The following HDAC4 variants were observed in gnomAD, a reference collection of about 807,000 sequenced individuals.
HDAC4 encodes histone deacetylase A.
Under a neutral mutation model 135.1 loss-of-function variants are expected in HDAC4, and 16 were observed. The ratio of observed to expected loss-of-function variants is 0.12; its 90% CI spans 0.08 to 0.18. The LOEUF (loss-of-function observed/expected upper bound fraction) is 0.18. Among genes scored for constraint, HDAC4 ranks in the 10% least tolerant of loss-of-function variants. The pLI, the probability that HDAC4 is intolerant of heterozygous loss-of-function variation, is 1.00. For missense variants in HDAC4, 1,143 were observed against 1,511.8 expected, an observed-to-expected ratio of 0.76 and a Z score of 4.05; for synonymous variants, 685 against 653.4, an observed-to-expected ratio of 1.05 and a Z score of -0.74.
rs1192180774 is a variant in HDAC4, at chr2:239,197,610, T to C, written c.95-7533A>G. Reference sequence around the variant, plus strand: ...TGGGTCTTTTCCATCCTCCCTGTTTTCCTTGTCTTTGTCTTACACGCTTCT... The same window carrying C: ...TGGGTCTTTTCCATCCTCCCTGTTTCCCTTGTCTTTGTCTTACACGCTTCT... On this transcript the variant is annotated intron_variant, in intron 3 of 26. Coordinates refer to ENST00000543185, the MANE Select transcript of HDAC4 (RefSeq NM_001378414.1). 2.0e-5 allele frequency among the ~76,000 whole-genome samples: 3 copies of C among 152,218 alleles called. No individual in the cohort carries two copies. In the East Asian group the frequency reaches 5.8e-4, roughly 29 times the overall value.
At chr2:239,120,425 A>G (rs1192992116) in intron 12 of HDAC4, among the ~76,000 whole-genome samples, 3 of 126,204 alleles carry the variant, frequency 2.4e-5, no homozygotes, top group Admixed American at 1.7e-4. Context: ...AGACACAGAC[A>G]GATGCACAAA....
At position 239,189,901 on chromosome 2, in the gene HDAC4, C is replaced by T. The variant is rs763704380; in HGVS notation, c.271G>A (p.Ala91Thr). ...TGCTCGTGCTGCCTCTGGAACTCAG[C>T]GATGAGGATCTGCCTCTGGATCTGC... ...KQQIQRQILI[A>T]EFQRQHEQLS... Residue 91 changes from alanine to threonine, a missense_variant, in exon 4 of 27, where the codon GCT becomes ACT. Ala to Thr is a moderately conservative substitution (Grantham distance 58). Coordinates refer to ENST00000543185, the MANE Select transcript of HDAC4 (RefSeq NM_001378414.1). The T allele has an allele frequency of 1.4e-5, 22 of 1,611,052 alleles. No homozygotes were observed. Among genetic ancestry groups the T allele is most frequent in the Non-Finnish European group, 1.6e-5 (19 of 1,179,892 alleles).
At chr2:239,276,923 C>A (rs1398797891) in intron 2 of HDAC4, among the ~76,000 whole-genome samples, 2 of 152,136 alleles carry the variant, frequency 1.3e-5, no homozygotes, top group African/African-American at 2.4e-5. Flanking sequence ...CAACCCTGAC[C>A]CCCTAACACA....
intron 1 of HDAC4, among the ~76,000 whole-genome samples, chr2:239,392,145 G>C (rs1439611465): frequency 1.3e-5 from 2 of 152,228 alleles, no homozygotes; most frequent in Non-Finnish European, 2.9e-5. Flanking sequence ...ATGGCAGCGG[G>C]CATGCACGTA....
intron 2 of HDAC4, among the ~76,000 whole-genome samples, chr2:239,267,556 A>C (rs1370905655): frequency 3.3e-5 from 5 of 152,274 alleles, no homozygotes; most frequent in Admixed American, 2.6e-4. Flanking sequence ...AGTTGTACAC[A>C]CAAGAAACTA....
chr2:239,107,655 C>T (rs1237483425), intron 15 of HDAC4, among the ~76,000 whole-genome samples: 8 of 152,346 alleles, frequency 5.3e-5, no homozygotes, highest in South Asian at 4.1e-4. Context: ...GAGATATAAT[C>T]GGATCTCCCC....
intron 3 of HDAC4, among the ~76,000 whole-genome samples, chr2:239,217,454 T>C (rs2046704537): frequency 6.6e-6 from 1 of 152,214 alleles, no homozygotes; most frequent in Admixed American, 6.5e-5. Flanking sequence ...AATAACTTGA[T>C]AAATGTCAGT....
chr2:239,118,851 A>G (rs1170010007), intron 12 of HDAC4, among the ~76,000 whole-genome samples: 2 of 152,140 alleles, frequency 1.3e-5, no homozygotes, highest in Non-Finnish European at 2.9e-5. Flanking sequence ...TTTCAACACT[A>G]GTTTCACTTG....
intron 3 of HDAC4, 101 bp downstream of exon 3, chr2:239,236,492 C>A: frequency 1.1e-6 from 1 of 916,048 alleles, no homozygotes; most frequent in South Asian, 1.4e-5. Flanking sequence ...CCACACCTCC[C>A]CCCTCGCCCT....
rs2034223868 is a variant in HDAC4 at position 239,071,756 on chromosome 2, GCTC to G, written c.2751-3152_2751-3150del. Among the ~76,000 whole-genome samples the G allele has an allele frequency of 2.6e-5, 4 of 152,148 alleles. No individual in the cohort carries two copies. In the South Asian group the frequency reaches 8.3e-4, roughly 32 times the overall value. On this transcript the variant is annotated intron_variant, in intron 22 of 26. Coordinates refer to ENST00000543185, the MANE Select transcript of HDAC4 (RefSeq NM_001378414.1). ...GTTGAACATTTCCACCGAAAGCTCT[GCTC>G]CTGTCGGCAGCTGATCTGGACGCTG...
intron 2 of HDAC4, among the ~76,000 whole-genome samples, chr2:239,310,935 C>G (rs905860917): frequency 6.6e-6 from 1 of 152,222 alleles, no homozygotes; most frequent in South Asian, 2.1e-4. Flanking sequence ...GAAAACGAAC[C>G]CTGACGTTAA....
intron 3 of HDAC4, among the ~76,000 whole-genome samples, chr2:239,191,489 AG>A (rs1444822083): frequency 6.6e-6 from 1 of 152,230 alleles, no homozygotes; most frequent in Admixed American, 6.5e-5. Context: ...CTGCCCAGGC[AG>A]CAGGTCCCAC....
At chr2:239,320,523 T>G (rs966316715) in intron 2 of HDAC4, among the ~76,000 whole-genome samples, 2 of 152,060 alleles carry the variant, frequency 1.3e-5, no homozygotes, top group African/African-American at 4.8e-5. Context: ...ATAAGGAAAT[T>G]GGTAGGACTC....
At chr2:239,200,943 T>G (rs930802986) in intron 3 of HDAC4, among the ~76,000 whole-genome samples, 1 of 152,152 alleles carries the variant, frequency 6.6e-6, no homozygotes, top group Non-Finnish European at 1.5e-5. Flanking sequence ...CAGAGGAGAC[T>G]GCTCGCTCGA....
intron 1 of HDAC4, among the ~76,000 whole-genome samples, chr2:239,393,860 CTCA>C (rs1366733717): frequency 6.6e-6 from 1 of 152,208 alleles, no homozygotes; most frequent in Non-Finnish European, 1.5e-5. Context: ...TCAACTGAGT[CTCA>C]TCTCATGTAA....
At chr2:239,056,378 T>C (rs1347976556) in intron 24 of HDAC4, among the ~76,000 whole-genome samples, 1 of 152,132 alleles carries the variant, frequency 6.6e-6, no homozygotes, top group African/African-American at 2.4e-5. Flanking sequence ...CACGAGAGCC[T>C]GGAGCACCTC....
intron 2 of HDAC4, among the ~76,000 whole-genome samples, chr2:239,249,479 T>C (rs762795828): frequency 2.1e-4 from 32 of 152,176 alleles, no homozygotes; most frequent in Non-Finnish European, 4.6e-4. Context: ...AAATCCAAAA[T>C]GCAGATTTGA....
rs534360566 is a variant in HDAC4 at position 239,240,099 on chromosome 2, G to A, written c.23-3435C>T. Among the ~76,000 whole-genome samples, 19 of 152,376 alleles carry A rather than the reference G, an allele frequency of 1.2e-4. No homozygotes were observed. The highest frequency in any genetic ancestry group is 6.2e-4 in the South Asian group (3 of 4,828). On this transcript the variant is annotated intron_variant, in intron 2 of 26. Coordinates refer to ENST00000543185, the MANE Select transcript of HDAC4 (RefSeq NM_001378414.1). This position sits in a 1 kb window ranked among gnomAD's most constrained non-coding sequence, Gnocchi z 4.5. The stretch of plus-strand genomic sequence containing the variant: ...GGGGCTCAGGGCAGCAGCCATGATC[G>A]AGAAGCCAAACACTAAAGGCGTTTT...
intron 7 of HDAC4, among the ~76,000 whole-genome samples, chr2:239,147,188 A>G (rs1470292148): frequency 6.6e-6 from 1 of 152,198 alleles, no homozygotes; most frequent in Non-Finnish European, 1.5e-5. Context: ...CCCGGGGCAC[A>G]TGAAGTGGCC....
Sources: gnomAD v4.1 joint callset for allele counts (sites outside exome capture counted in the v4.1 genomes callset) on GRCh38, gnomAD v4.1.1 for gene constraint, Gnocchi (gnomAD v3.1) non-coding constraint, MANE v1.5 for transcripts, NCBI Gene and HGNC (gene_info 2026-07-23, HGNC 2026-07-21) for gene names.